ENPP2: variants seen among roughly 807,000 people sequenced by gnomAD.
The protein encoded by ENPP2 is autotaxin.
In ENPP2, 51 loss-of-function variants were observed where a neutral mutation model predicts 120.2. The ratio of observed to expected loss-of-function variants is 0.42; its 90% confidence interval spans 0.34 to 0.54. The LOEUF (loss-of-function observed/expected upper bound fraction) is 0.54, where lower values mean the gene tolerates loss of function less well. Ranked by LOEUF, ENPP2 falls within the 20% of genes least tolerant of loss-of-function variation. ENPP2 has a pLI of 0.04. For missense variants in ENPP2, 920 were observed against 1,066.5 expected (o/e 0.86, Z 1.91); for synonymous variants, 365 against 366.4 (o/e 1.00, Z 0.04).
intron 8 of ENPP2, among the ~76,000 whole-genome samples, chr8:119,613,885 T>A (rs965078409): frequency 2.0e-5 from 3 of 152,120 alleles, no homozygotes; most frequent in Admixed American, 2.0e-4. Flanking sequence ...GGTGACAACA[T>A]TTAAAATTTT....
intron 1 of ENPP2, among the ~76,000 whole-genome samples, chr8:119,667,040 A>G (rs1450998131): frequency 1.3e-5 from 2 of 152,172 alleles, no homozygotes; most frequent in African/African-American, 2.4e-5. Flanking sequence ...CTGGATGGTC[A>G]TAAAATTTAT....
At chr8:119,647,058 C>A (rs1460431647) in intron 1 of ENPP2, among the ~76,000 whole-genome samples, 1 of 150,152 alleles carries the variant, frequency 6.7e-6, no homozygotes, top group African/African-American at 2.5e-5. Context: ...AGTGCAGTGG[C>A]ACAATCTTGG....
upstream of ENPP2, among the ~76,000 whole-genome samples, chr8:119,640,844 G>A (rs1385574389): frequency 6.6e-6 from 1 of 152,140 alleles, no homozygotes; most frequent in Non-Finnish European, 1.5e-5. Context: ...CACCTCCCGG[G>A]TTCAAGTGAT....
At chr8:119,655,218 C>T (rs774207823) in intron 1 of ENPP2, among the ~76,000 whole-genome samples, 5 of 152,170 alleles carry the variant, frequency 3.3e-5, no homozygotes, top group South Asian at 4.1e-4. Context: ...GACAGACATA[C>T]GATAAGCTGA....
intron 1 of ENPP2, among the ~76,000 whole-genome samples, chr8:119,654,284 T>C (rs1050930331): frequency 7.1e-6 from 1 of 141,476 alleles, no homozygotes; most frequent in Non-Finnish European, 1.5e-5. Flanking sequence ...CTAATACCAA[T>C]ATTATATAGA....
chr8:119,629,892 T>C (rs949133600), intron 2 of ENPP2, among the ~76,000 whole-genome samples: 1 of 152,174 alleles, frequency 6.6e-6, no homozygotes, highest in Admixed American at 6.5e-5. Flanking sequence ...AGGATACTGC[T>C]TAGATAGACT....
chr8:119,559,905 C>T (rs1295241765), intron 24 of ENPP2, among the ~76,000 whole-genome samples: 1 of 152,138 alleles, frequency 6.6e-6, no homozygotes, highest in Non-Finnish European at 1.5e-5. Flanking sequence ...AACAGGTGAC[C>T]CTTCAACGAG....
chr8:119,560,091 C>A (rs554347855), intron 24 of ENPP2, among the ~76,000 whole-genome samples: 1 of 152,244 alleles, frequency 6.6e-6, no homozygotes, highest in East Asian at 1.9e-4. Context: ...TTTTAAAACT[C>A]CCCATCACCA....
chr8:119,662,658 G>T (rs1817954617), intron 1 of ENPP2, among the ~76,000 whole-genome samples: 1 of 152,112 alleles, frequency 6.6e-6, no homozygotes, highest in South Asian at 2.1e-4. Flanking sequence ...CTTTTGCTTT[G>T]CAAGTGTGAA....
chr8:119,639,600 C>CG (rs1467972591), upstream of ENPP2, among the ~76,000 whole-genome samples: 1 of 133,170 alleles, frequency 7.5e-6, no homozygotes, highest in Non-Finnish European at 1.6e-5. Context: ...CAGCTTGTTT[C>CG]GGGCGGGGCG....
intron 19 of ENPP2, chr8:119,572,206 T>G: frequency 6.4e-7 from 1 of 1,555,376 alleles, no homozygotes; most frequent in Non-Finnish European, 8.7e-7. Context: ...CCATTAATGT[T>G]TTCCTTGTTT....
chr8:119,580,542 A>C, intron 18 of ENPP2: 1 of 197,970 alleles, frequency 5.1e-6, no homozygotes, highest in Non-Finnish European at 1.0e-5. Context: ...TCCCAAACTA[A>C]TTTATGAAAT....
At chr8:119,583,580 G>C (rs909935711) in intron 17 of ENPP2, 137 bp downstream of exon 17, 3 of 588,066 alleles carry the variant, frequency 5.1e-6, no homozygotes, top group Non-Finnish European at 9.2e-6. Context: ...TGAACCAATG[G>C]GCAAGTTACA....
At chr8:119,610,171 G>GA (rs373508527) in intron 8 of ENPP2, among the ~76,000 whole-genome samples, 4,068 of 146,728 alleles carry the variant, frequency 0.028, 92 homozygotes, top group Non-Finnish European at 0.041. Context: ...CTTGTAATCA[G>GA]AAAAAAAAAA....
intron 4 of ENPP2, among the ~76,000 whole-genome samples, chr8:119,619,626 T>A (rs1815743886): frequency 1.3e-5 from 2 of 151,916 alleles, no homozygotes; most frequent in South Asian, 4.2e-4. Context: ...AAATAAACTG[T>A]TTGGTCATTA....
intron 19 of ENPP2, among the ~76,000 whole-genome samples, chr8:119,576,580 A>G (rs1473569990): frequency 1.3e-5 from 2 of 152,226 alleles, no homozygotes; most frequent in Admixed American, 6.5e-5. Context: ...AATATGAAAC[A>G]TTTTTATAGC....
chr8:119,610,314 G>C (rs1815005035), intron 8 of ENPP2, among the ~76,000 whole-genome samples: 1 of 152,092 alleles, frequency 6.6e-6, no homozygotes, highest in African/African-American at 2.4e-5. Context: ...CTTGGTAAAA[G>C]TCAGGTTGAC....
At chr8:119,621,646 T>A (rs997976256) in intron 3 of ENPP2, 127 bp from the exon 4 acceptor site, 13 of 930,862 alleles carry the variant, frequency 1.4e-5, no homozygotes, top group Non-Finnish European at 2.1e-5. Context: ...TTGTGAAATT[T>A]GAGTTGGCTT....
intron 9 of ENPP2, among the ~76,000 whole-genome samples, chr8:119,606,632 A>G (rs1814738154): frequency 6.6e-6 from 1 of 151,968 alleles, no homozygotes; most frequent in Admixed American, 6.5e-5. Flanking sequence ...AAAGAAAGAA[A>G]TCTCTTAAAG....
Sources: gnomAD v4.1 joint callset for allele counts (sites outside exome capture counted in the v4.1 genomes callset) on GRCh38, gnomAD v4.1.1 for gene constraint, MANE v1.5 for transcripts, NCBI Gene and HGNC (gene_info 2026-07-23, HGNC 2026-07-21) for gene names.